The following CREB5 variants were observed in gnomAD, a reference collection of about 807,000 sequenced individuals.
CREB5 encodes the protein cyclic AMP-responsive element-binding protein 5.
A neutral mutation model predicts 57.1 loss-of-function variants in CREB5; 19 were observed. The ratio of observed to expected loss-of-function variants is 0.33; its 90% CI spans 0.23 to 0.49. The LOEUF is 0.49. CREB5 is among the 20% of genes least tolerant of loss of function. The pLI is 0.99. For missense variants in CREB5, 579 were observed against 671.6 expected (o/e 0.86, Z 1.52); for synonymous variants, 238 against 238.3 (o/e 1.00, Z 0.01).
chr7:28,566,403 C>T (rs1007490074), intron 4 of CREB5, among the ~76,000 whole-genome samples: 2 of 152,168 alleles, frequency 1.3e-5, no homozygotes, highest in African/African-American at 4.8e-5. Flanking sequence ...TGAGGAACAC[C>T]TCTGGTCTTT....
At position 28,441,026 on chromosome 7, in the gene CREB5, G is replaced by C. The variant is rs576847217; in HGVS notation, c.3+28109G>C. 2.0e-5 allele frequency among the ~76,000 whole-genome samples: 3 copies of C among 152,232 alleles called. No homozygotes were observed. In the East Asian group the frequency reaches 5.8e-4, roughly 29 times the overall value. On this transcript the variant is annotated intron_variant, in intron 1 of 10. Coordinates refer to ENST00000357727, the MANE Select transcript of CREB5 (RefSeq NM_182898.4). Reference sequence around the variant, plus strand: ...TTCCCCTTAATTTTTAGACCCTTGTGTATTTCAAGGGAAATTTAATTCATA... The same window carrying C: ...TTCCCCTTAATTTTTAGACCCTTGTCTATTTCAAGGGAAATTTAATTCATA...
At chr7:28,339,093 T>A (rs1045701452) in intron 1 of CREB5, among the ~76,000 whole-genome samples, 2 of 152,192 alleles carry the variant, frequency 1.3e-5, no homozygotes, top group Non-Finnish European at 2.9e-5. Context: ...AAAGGCCACA[T>A]ATCTTTGTCT....
intron 7 of CREB5, among the ~76,000 whole-genome samples, chr7:28,738,244 C>G (rs1804144022): frequency 6.6e-6 from 1 of 152,184 alleles, no homozygotes; most frequent in Non-Finnish European, 1.5e-5. Context: ...ATGAATCATG[C>G]CATGCCAACT....
rs554597279 is a variant in CREB5, at chr7:28,415,234, C to T, written c.3+2317C>T. ...GATGGTGAGTTACAAAGGCTTATGGCTTTACACGGATGGTAGGGCTAGGGG... is the reference window on the plus strand; with the variant it reads ...GATGGTGAGTTACAAAGGCTTATGGTTTTACACGGATGGTAGGGCTAGGGG... On this transcript the variant is annotated intron_variant, in intron 1 of 10. Coordinates refer to ENST00000357727, the MANE Select transcript of CREB5 (RefSeq NM_182898.4). Among the ~76,000 whole-genome samples the T allele has an allele frequency of 5.3e-5, 8 of 152,244 alleles. No individual in the cohort carries two copies. In the East Asian group the frequency reaches 1.4e-3, roughly 26 times the overall value.
chr7:28,438,447 C>A (rs373751619), intron 1 of CREB5, among the ~76,000 whole-genome samples: 1 of 152,066 alleles, frequency 6.6e-6, no homozygotes, highest in East Asian at 1.9e-4. Context: ...TTTTTCCTTA[C>A]TTTTATATTT....
rs147705697 is a variant in CREB5, at chr7:28,615,056, G to T, written c.464+44519G>T. On this transcript the variant is annotated intron_variant, in intron 5 of 10. Transcript: ENST00000357727. ...CTTTTTTTGTCCTTTATTATTTTTT[G>T]AATTACTTTGCTTTATTTTTCATGT... 5.2e-4 allele frequency: 79 copies of T among 152,110 alleles called. 1 individual carries two copies. The highest frequency in any genetic ancestry group is 1.8e-3 in the African/African-American group (73 of 41,494). The allele number at this position is 152,110 out of a possible 1,614,324, so 9.4% of individuals were successfully genotyped here. A position where few individuals can be genotyped will look rare whatever the true frequency, so the allele number is the denominator to read the frequency against.
intron 5 of CREB5, among the ~76,000 whole-genome samples, chr7:28,638,202 G>A (rs1054208378): frequency 6.6e-6 from 1 of 151,162 alleles, no homozygotes; most frequent in African/African-American, 2.4e-5. Context: ...TCACTGCAGT[G>A]TTGGTTAAGA....
At chr7:28,494,846 T>C (rs1020338588) in intron 2 of CREB5, 60 bp from the exon 3 acceptor site, 17 of 1,112,446 alleles carry the variant, frequency 1.5e-5, no homozygotes, top group Non-Finnish European at 2.0e-5. Flanking sequence ...ATGGTAAATA[T>C]GTTTTTTAAA....
At chr7:28,560,647 T>C (rs975765818) in intron 4 of CREB5, among the ~76,000 whole-genome samples, 3 of 151,932 alleles carry the variant, frequency 2.0e-5, no homozygotes, top group African/African-American at 4.8e-5. Context: ...GTGGGAACCA[T>C]GAAGACAAAA....
At chr7:28,443,317 A>C (rs1391754359) in intron 1 of CREB5, among the ~76,000 whole-genome samples, 1 of 152,160 alleles carries the variant, frequency 6.6e-6, no homozygotes, top group Non-Finnish European at 1.5e-5. Flanking sequence ...TAGAAATCTC[A>C]TTCTCTTTTA....
At chr7:28,734,206 C>CAAAAAAAAAAAAAAAAAAA (rs61403862) in intron 7 of CREB5, among the ~76,000 whole-genome samples, 1 of 96,442 alleles carries the variant, frequency 1.0e-5, no homozygotes, top group African/African-American at 4.5e-5. Flanking sequence ...TTCAGTAGTT[C>CAAAAAAAAAAAAAAAAAAA]AAAAAAAAAA....
chr7:28,370,168 A>G lies in CREB5; in HGVS notation c.-25+70727A>G, dbSNP rs145636643. Among the ~76,000 whole-genome samples the G allele has an allele frequency of 7.4e-3, 1,122 of 152,310 alleles. 7 individuals are homozygous for G. The highest frequency in any genetic ancestry group is 0.011 in the Non-Finnish European group (754 of 68,032). Reference sequence around the variant, plus strand: ...AGTATTTACATTTCTCATTAGTGGAAATAGGAGAGGCTCTAGAATTTAAAC... The same window carrying G: ...AGTATTTACATTTCTCATTAGTGGAGATAGGAGAGGCTCTAGAATTTAAAC... On this transcript the variant is annotated intron_variant, in intron 1 of 9. Coordinates refer to the CREB5 transcript ENST00000396299.
chr7:28,436,132 T>A (rs1788951857), intron 1 of CREB5, among the ~76,000 whole-genome samples: 1 of 152,100 alleles, frequency 6.6e-6, no homozygotes, highest in Non-Finnish European at 1.5e-5. Context: ...TTTTTTTGTT[T>A]CTGTGAGCCA....
intron 4 of CREB5, among the ~76,000 whole-genome samples, chr7:28,521,874 T>A (rs1183054848): frequency 2.0e-5 from 3 of 152,230 alleles, no homozygotes; most frequent in Non-Finnish European, 4.4e-5. Flanking sequence ...ACTTCTAGTC[T>A]TTCCAACTCA....
At chr7:28,696,656 C>A (rs1020391595) in intron 5 of CREB5, among the ~76,000 whole-genome samples, 1 of 151,984 alleles carries the variant, frequency 6.6e-6, no homozygotes, top group African/African-American at 2.4e-5. Context: ...TATTCTGTAT[C>A]ACAGCCCAGT....
intron 5 of CREB5, among the ~76,000 whole-genome samples, chr7:28,666,817 C>T (rs1329159374): frequency 6.6e-6 from 1 of 151,726 alleles, no homozygotes; most frequent in Non-Finnish European, 1.5e-5. Flanking sequence ...GAGTGTGTCC[C>T]AGCTACTTGG....
intron 2 of CREB5, among the ~76,000 whole-genome samples, chr7:28,491,712 G>A (rs1335146817): frequency 1.3e-5 from 2 of 152,188 alleles, no homozygotes; most frequent in Non-Finnish European, 2.9e-5. Context: ...TTAAGAAAAT[G>A]TAGCAGTCAC....
chr7:28,753,748 G>A (rs1805118164), intron 7 of CREB5, among the ~76,000 whole-genome samples: 1 of 152,102 alleles, frequency 6.6e-6, no homozygotes, highest in Non-Finnish European at 1.5e-5. Flanking sequence ...ATGATGAAGT[G>A]AAATGATTAA....
intron 5 of CREB5, among the ~76,000 whole-genome samples, chr7:28,666,262 C>T (rs571083722): frequency 6.6e-6 from 1 of 152,172 alleles, no homozygotes; most frequent in African/African-American, 2.4e-5. Flanking sequence ...TCTGTGCCCA[C>T]CCCTTATAAA....
Sources: gnomAD v4.1 joint callset for allele counts (sites outside exome capture counted in the v4.1 genomes callset) on GRCh38, gnomAD v4.1.1 for gene constraint, MANE v1.5 for transcripts, NCBI Gene and HGNC (gene_info 2026-07-23, HGNC 2026-07-21) for gene names.